Variants in NAT1 observed in about 807,000 individuals in gnomAD.
NAT1 encodes arylamine N-acetyltransferase 1.
For synonymous variants in NAT1, 144 were observed against 122.6 expected (o/e 1.17, Z -1.16); for missense variants, 400 against 339.2 (o/e 1.18, Z -1.41).
At chr8:18,204,781 A>T (rs973967078) in intron 2 of NAT1, among the ~76,000 whole-genome samples, 1 of 152,208 alleles carries the variant, frequency 6.6e-6, no homozygotes, top group African/African-American at 2.4e-5. Context: ...CAAAGTGTAT[A>T]AAAAAAGTAA....
At chr8:18,217,713 C>T (rs1007179040) in intron 1 of NAT1, among the ~76,000 whole-genome samples, 6 of 152,092 alleles carry the variant, frequency 3.9e-5, no homozygotes, top group African/African-American at 9.7e-5. Flanking sequence ...GCTGATAAAA[C>T]GGCATGTGGG....
intron 2 of NAT1, among the ~76,000 whole-genome samples, chr8:18,188,496 CAAGTTTAAGTCAAAAA>C (rs1802833913): frequency 6.6e-6 from 1 of 151,830 alleles, no homozygotes; most frequent in Non-Finnish European, 1.5e-5. Flanking sequence ...GCTTTTGACT[CAAGTTTAAGTCAAAAA>C]AAGTTGATTT....
At chr8:18,185,629 T>C (rs2036398201) in intron 2 of NAT1, among the ~76,000 whole-genome samples, 1 of 152,140 alleles carries the variant, frequency 6.6e-6, no homozygotes, top group African/African-American at 2.4e-5. Flanking sequence ...TTGTTTTCTT[T>C]TTCATAATTT....
intron 2 of NAT1, among the ~76,000 whole-genome samples, chr8:18,172,057 C>T (rs1421752752): frequency 6.6e-6 from 1 of 152,184 alleles, no homozygotes; most frequent in Non-Finnish European, 1.5e-5. Flanking sequence ...CTGAAATATA[C>T]TTAATCCTCC....
At chr8:18,213,153 C>A (rs576971649) in intron 1 of NAT1, among the ~76,000 whole-genome samples, 1 of 151,666 alleles carries the variant, frequency 6.6e-6, no homozygotes, top group East Asian at 2.0e-4. Flanking sequence ...CTCAAGTGAT[C>A]CACTCGCCTC....
intron 2 of NAT1, among the ~76,000 whole-genome samples, chr8:18,204,706 G>C (rs1041240835): frequency 6.6e-6 from 1 of 152,086 alleles, no homozygotes; most frequent in Non-Finnish European, 1.5e-5. Flanking sequence ...GTATTTCTAA[G>C]AGTTAAAATG....
chr8:18,183,273 T>G (rs1015917608), intron 2 of NAT1, among the ~76,000 whole-genome samples: 16 of 152,148 alleles, frequency 1.1e-4, no homozygotes, highest in African/African-American at 3.9e-4. Flanking sequence ...AAGCCCCACC[T>G]CTCAATACTG....
intron 2 of NAT1, among the ~76,000 whole-genome samples, chr8:18,193,893 G>A (rs963336500): frequency 1.3e-5 from 2 of 151,732 alleles, no homozygotes. Flanking sequence ...CATCTGCCTC[G>A]GCCTCCCAAA....
intron 2 of NAT1, among the ~76,000 whole-genome samples, chr8:18,181,274 G>T (rs1362839801): frequency 6.6e-6 from 1 of 151,818 alleles, no homozygotes; most frequent in East Asian, 1.9e-4. Context: ...GGATTCAATG[G>T]GATTGCTTTC....
chr8:18,200,730 A>G (rs1337146973), intron 2 of NAT1, among the ~76,000 whole-genome samples: 1 of 152,140 alleles, frequency 6.6e-6, no homozygotes, highest in Non-Finnish European at 1.5e-5. Context: ...GGGATTGATT[A>G]ATTAAGTAAT....
chr8:18,211,040 A>G (rs959120812), intron 1 of NAT1, among the ~76,000 whole-genome samples: 14 of 152,152 alleles, frequency 9.2e-5, no homozygotes, highest in Non-Finnish European at 1.3e-4. Context: ...CCTGACCTCA[A>G]GTGATCCACC....
upstream of NAT1, among the ~76,000 whole-genome samples, chr8:18,208,469 A>G (rs547988027): frequency 2.0e-5 from 3 of 152,230 alleles, no homozygotes; most frequent in African/African-American, 7.2e-5. Context: ...GCATTTCTTT[A>G]CACCAGTAAT....
chr8:18,179,015 G>A (rs769587391), intron 2 of NAT1, among the ~76,000 whole-genome samples: 2 of 152,020 alleles, frequency 1.3e-5, no homozygotes, highest in African/African-American at 2.4e-5. Flanking sequence ...TCTTGTTCCT[G>A]CGTGCCTTTA....
chr8:18,183,249 A>G (rs542292462), intron 2 of NAT1, among the ~76,000 whole-genome samples: 26 of 152,298 alleles, frequency 1.7e-4, no homozygotes, highest in African/African-American at 6.3e-4. Flanking sequence ...ATCATGATGT[A>G]AACACCTCCC....
At position 18,194,155 on chromosome 8, in the gene NAT1, G is replaced by A. The variant is rs543154143; in HGVS notation, n.93-15626G>A. Among the ~76,000 whole-genome samples the A allele has an allele frequency of 2.0e-5, 3 of 152,288 alleles. No individual in the cohort carries two copies. In the South Asian group the frequency reaches 6.2e-4, roughly 32 times the overall value. On this transcript the variant is annotated intron_variant and non_coding_transcript_variant, in intron 2 of 4. Coordinates refer to the NAT1 transcript ENST00000517441. ...CCAGCCTGCTTTGTGTTCACTGGAG[G>A]TGGGGGAGTGCCGACCCACTGGTGT...
chr8:18,180,194 G>A (rs2106038), intron 2 of NAT1, among the ~76,000 whole-genome samples: 37,340 of 152,032 alleles, frequency 0.25, 4,946 homozygotes, highest in South Asian at 0.35. Context: ...AAGCCTGGGT[G>A]GGCTTGATGA....
intron 2 of NAT1, among the ~76,000 whole-genome samples, chr8:18,198,164 GC>G (rs1480519714): frequency 1.6e-5 from 1 of 60,850 alleles, no homozygotes; most frequent in Non-Finnish European, 3.1e-5. Context: ...TCCAATCTAG[GC>G]AAAAAAAAAT....
At chr8:18,187,879 T>C (rs1161958391) in intron 2 of NAT1, among the ~76,000 whole-genome samples, 1 of 151,260 alleles carries the variant, frequency 6.6e-6, no homozygotes, top group African/African-American at 2.4e-5. Flanking sequence ...TGAAAGAAAC[T>C]GCTACTTTTA....
At chr8:18,170,593 T>A (rs1664931164) in intron 1 of NAT1, 1 of 152,330 alleles carries the variant, frequency 6.6e-6, no homozygotes, top group East Asian at 1.9e-4. Flanking sequence ...CCATCTTCAG[T>A]GTAGAGGGCT....
Sources: gnomAD v4.1 joint callset for allele counts (sites outside exome capture counted in the v4.1 genomes callset) on GRCh38, gnomAD v4.1.1 for gene constraint, MANE v1.5 for transcripts, NCBI Gene and HGNC (gene_info 2026-07-23, HGNC 2026-07-21) for gene names.